The following PDZRN4 variants were observed in gnomAD, a reference collection of about 807,000 sequenced individuals.
PDZRN4 encodes the protein PDZ domain-containing RING finger protein 4.
In PDZRN4, 70 loss-of-function variants were observed where a neutral mutation model predicts 99.0. The ratio of observed to expected loss-of-function variants is 0.71; its 90% CI spans 0.58 to 0.86. The LOEUF (loss-of-function observed/expected upper bound fraction) is 0.86, where lower values mean the gene tolerates loss of function less well. Ranked by LOEUF, PDZRN4 falls within the 40% of genes least tolerant of loss-of-function variation. The pLI, the probability that PDZRN4 is intolerant of heterozygous loss-of-function variation, is 0.00. For synonymous variants in PDZRN4, 551 were observed against 501.6 expected (o/e 1.10, Z -1.32); for missense variants, 1,474 against 1,331.2 (o/e 1.11, Z -1.67).
intron 3 of PDZRN4, among the ~76,000 whole-genome samples, chr12:41,484,804 T>C (rs1241089917): frequency 6.6e-6 from 1 of 152,148 alleles, no homozygotes; most frequent in Non-Finnish European, 1.5e-5. Flanking sequence ...CCTAATAGTC[T>C]TTGTGGGCAT....
chr12:41,563,435 T>G, intron 7 of PDZRN4, 113 bp from the exon 8 acceptor site: 1 of 741,380 alleles, frequency 1.3e-6, no homozygotes, highest in Non-Finnish European at 2.3e-6. Flanking sequence ...GATGAGCCCA[T>G]TGTGTGAGCT....
intron 3 of PDZRN4, among the ~76,000 whole-genome samples, chr12:41,385,859 CA>C (rs1457338666): frequency 6.6e-6 from 1 of 151,912 alleles, no homozygotes; most frequent in Non-Finnish European, 1.5e-5. Context: ...AGAGGTACAA[CA>C]AAAAAAGAAA....
chr12:41,458,166 T>C (rs1229596727), intron 3 of PDZRN4, among the ~76,000 whole-genome samples: 1 of 152,134 alleles, frequency 6.6e-6, no homozygotes, highest in Non-Finnish European at 1.5e-5. Context: ...TTTTTGTGTG[T>C]GTGTATGTGA....
rs529872231 is a variant in PDZRN4, at chr12:41,213,414, C to T, written c.843+19226C>T. 2.0e-5 allele frequency among the ~76,000 whole-genome samples: 3 copies of T among 152,108 alleles called. No homozygotes were observed. The East Asian group carries it at 5.8e-4, about 30-fold the overall frequency. The stretch of plus-strand genomic sequence containing the variant: ...GGAAGTCGTAAGCAACAGGCATCCT[C>T]CTTTTGGTCTAACAATAATAATGCT... On this transcript the variant is annotated intron_variant, in intron 3 of 9. Coordinates refer to ENST00000402685, the MANE Select transcript of PDZRN4 (RefSeq NM_001164595.2).
At chr12:41,536,520 T>A (rs1002184954) in intron 5 of PDZRN4, among the ~76,000 whole-genome samples, 1 of 152,176 alleles carries the variant, frequency 6.6e-6, no homozygotes, top group Non-Finnish European at 1.5e-5. Context: ...ATTATACATT[T>A]GTCCAAACCC....
At chr12:41,537,586 G>T (rs1938770025) in intron 5 of PDZRN4, among the ~76,000 whole-genome samples, 1 of 152,138 alleles carries the variant, frequency 6.6e-6, no homozygotes, top group African/African-American at 2.4e-5. Context: ...AGATTACAGA[G>T]GGCCTATAGT....
At position 41,364,441 on chromosome 12, in the gene PDZRN4, A is replaced by T. The variant is rs1382062675; in HGVS notation, c.844-142015A>T. Among the ~76,000 whole-genome samples, 3 of 152,174 alleles carry T rather than the reference A, an allele frequency of 2.0e-5. No individual in the cohort carries two copies. In the East Asian group the frequency reaches 5.8e-4, roughly 30 times the overall value. Reference sequence around the variant, plus strand: ...CCTGAGCACTTGGGCTTGACAGATTATCTTGTGATGTATTACAATTAGATA... The same window carrying T: ...CCTGAGCACTTGGGCTTGACAGATTTTCTTGTGATGTATTACAATTAGATA... On this transcript the variant is annotated intron_variant, in intron 3 of 9. Coordinates refer to ENST00000402685, the MANE Select transcript of PDZRN4 (RefSeq NM_001164595.2).
chr12:41,457,294 C>T (rs568704733), intron 3 of PDZRN4, among the ~76,000 whole-genome samples: 2 of 152,146 alleles, frequency 1.3e-5, no homozygotes, highest in African/African-American at 4.8e-5. Flanking sequence ...TATTATTTTT[C>T]AGAAAAACGG....
chr12:41,202,385 C>A (rs1378604955), intron 3 of PDZRN4, among the ~76,000 whole-genome samples: 1 of 152,038 alleles, frequency 6.6e-6, no homozygotes, highest in Admixed American at 6.6e-5. Flanking sequence ...AGTGTTTCTA[C>A]AAAGAGATAG....
At chr12:41,434,889 A>G (rs1469133894) in intron 3 of PDZRN4, among the ~76,000 whole-genome samples, 1 of 152,192 alleles carries the variant, frequency 6.6e-6, no homozygotes, top group Non-Finnish European at 1.5e-5. Context: ...TGTTCAGATG[A>G]ATGCTTTTGT....
At chr12:41,542,477 C>T (rs1199221653) in intron 5 of PDZRN4, among the ~76,000 whole-genome samples, 1 of 152,242 alleles carries the variant, frequency 6.6e-6, no homozygotes, top group Non-Finnish European at 1.5e-5. Flanking sequence ...AAGCTCTCCA[C>T]CTTGTTCCTG....
chr12:41,343,577 G>A (rs1427827603), intron 3 of PDZRN4, among the ~76,000 whole-genome samples: 1 of 149,104 alleles, frequency 6.7e-6, no homozygotes, highest in Non-Finnish European at 1.5e-5. Context: ...CCAGAGACTG[G>A]AGAGGGGAAG....
intron 3 of PDZRN4, among the ~76,000 whole-genome samples, chr12:41,451,916 T>C (rs1183951885): frequency 6.6e-6 from 1 of 152,200 alleles, no homozygotes; most frequent in Admixed American, 6.5e-5. Flanking sequence ...ACTTTGAAGT[T>C]TGCTTTGGCA....
At chr12:41,495,142 T>A (rs569596869) in intron 3 of PDZRN4, among the ~76,000 whole-genome samples, 1 of 152,172 alleles carries the variant, frequency 6.6e-6, no homozygotes, top group Non-Finnish European at 1.5e-5. Flanking sequence ...TGCATGTGTG[T>A]GTGTGTGAAA....
intron 3 of PDZRN4, among the ~76,000 whole-genome samples, chr12:41,424,005 G>C (rs1249006234): frequency 6.6e-6 from 1 of 152,126 alleles, no homozygotes; most frequent in Non-Finnish European, 1.5e-5. Context: ...AAGCTCATAT[G>C]GCTCCATTAC....
At chr12:41,437,668 T>G in intron 3 of PDZRN4, 1 of 1,041,008 alleles carries the variant, frequency 9.6e-7, no homozygotes, top group Non-Finnish European at 1.3e-6. Context: ...TGTAGTCATG[T>G]GCACTGATGC....
At chr12:41,313,660 T>C (rs1006776356) in intron 3 of PDZRN4, among the ~76,000 whole-genome samples, 1 of 152,212 alleles carries the variant, frequency 6.6e-6, no homozygotes, top group Non-Finnish European at 1.5e-5. Flanking sequence ...GCCCCATCCA[T>C]GGACATCAGC....
chr12:41,338,832 CA>C (rs1415255771), intron 3 of PDZRN4, among the ~76,000 whole-genome samples: 1 of 151,744 alleles, frequency 6.6e-6, no homozygotes, highest in South Asian at 2.1e-4. Context: ...AATCTTTCAT[CA>C]AAAAAATCCC....
intron 3 of PDZRN4, among the ~76,000 whole-genome samples, chr12:41,235,592 G>A (rs566020089): frequency 6.6e-6 from 1 of 152,142 alleles, no homozygotes; most frequent in African/African-American, 2.4e-5. Context: ...AAGCATGTGG[G>A]CCCAGAAATG....
Sources: allele counts gnomAD v4.1 joint callset (sites outside exome capture counted in the v4.1 genomes callset), GRCh38; gene constraint gnomAD v4.1.1; transcripts MANE v1.5; gene names NCBI Gene and HGNC (gene_info 2026-07-23, HGNC 2026-07-21).